Variants in SQLE observed in about 807,000 individuals in gnomAD.
The protein encoded by SQLE is squalene monooxygenase.
Under a neutral mutation model 60.7 loss-of-function variants are expected in SQLE, and 29 were observed. The ratio of observed to expected loss-of-function variants is 0.48; its 90% confidence interval spans 0.36 to 0.65. The LOEUF (loss-of-function observed/expected upper bound fraction) is 0.65. SQLE is among the 30% of genes least tolerant of loss of function. The pLI, the probability that SQLE is intolerant of heterozygous loss-of-function variation, is 0.00. For missense variants in SQLE, 605 were observed against 684.1 expected, an observed-to-expected ratio of 0.88 and a Z score of 1.29; for synonymous variants, 237 against 246.8, an observed-to-expected ratio of 0.96 and a Z score of 0.37.
chr8:125,015,390 A>C (rs539466854), intron 7 of SQLE, among the ~76,000 whole-genome samples: 51 of 152,058 alleles, frequency 3.4e-4, no homozygotes, highest in African/African-American at 1.2e-3. Flanking sequence ...ATCTACATTG[A>C]ATGTTATTAT....
rs530017457 is a variant in SQLE at position 125,002,569 on chromosome 8, C to A, written c.292-607C>A. Among the ~76,000 whole-genome samples, 4 of 151,954 alleles carry A rather than the reference C, an allele frequency of 2.6e-5. No individual in the cohort carries two copies. In the South Asian group the frequency reaches 8.3e-4, roughly 32 times the overall value. The stretch of plus-strand genomic sequence containing the variant: ...GCACATGCCTATAATCCCAGCCACT[C>A]GGGAGGCTGAGGCCAGAGAATTGCT... On this transcript the variant is annotated intron_variant, in intron 1 of 10. Transcript: ENST00000265896.
chr8:125,005,441 G>C lies in SQLE; in HGVS notation c.545-84G>C, dbSNP rs893544934. ...GATTTGAAGGCAGAGACTCATTTTTGATGTGTGTGTGTCTTCTTTGGTTCT... is the reference window on the plus strand; with the variant it reads ...GATTTGAAGGCAGAGACTCATTTTTCATGTGTGTGTGTCTTCTTTGGTTCT... On this transcript the variant is annotated intron_variant, in intron 2 of 10. Coordinates refer to ENST00000265896, the MANE Select transcript of SQLE (RefSeq NM_003129.4). 5 of 1,221,744 alleles carry C rather than the reference G, an allele frequency of 4.1e-6. No homozygotes were observed. The African/African-American group carries it at 4.6e-5, about 11-fold the overall frequency. 75.7% of individuals were successfully genotyped at this position (1,221,744 alleles called of 1,614,324 possible).
chr8:125,021,890 C>T lies in SQLE; in HGVS notation c.1670C>T (p.Ala557Val), dbSNP rs1306326764. The T allele has an allele frequency of 5.6e-6, 9 of 1,609,998 alleles. No homozygotes were observed. The highest frequency in any genetic ancestry group is 3.3e-5 in the South Asian group (3 of 90,344). The change falls in exon 11 of 11, where the codon GCG becomes GTG. Residue 557 changes from alanine to valine, a missense_variant. Ala to Val is a moderately conservative substitution (Grantham distance 64). Transcript: ENST00000265896. Reference protein sequence around the residue: ...LLSSGAVLYKACSVIFPLIYS... With the variant: ...LLSSGAVLYKVCSVIFPLIYS... The stretch of plus-strand genomic sequence containing the variant: ...AGTAGTGGTGCTGTATTGTACAAAG[C>T]GTGTTCTGTAATATTTCCTCTAATT...
chr8:125,007,370 G>A, intron 3 of SQLE, 21 bp from the exon 4 acceptor site: 1 of 1,486,524 alleles, frequency 6.7e-7, no homozygotes, highest in Non-Finnish European at 9.1e-7. Context: ...CTTTAGAAAT[G>A]TATTTTTTTT....
chr8:124,999,782 A>G, intron 1 of SQLE, 88 bp downstream of exon 1: 1 of 1,435,718 alleles, frequency 7.0e-7, no homozygotes, highest in East Asian at 2.4e-5. Context: ...TGAATTGCAA[A>G]AGGCGGCAGG....
chr8:125,007,417 T>TA lies in SQLE; in HGVS notation c.753dup (p.Gln252ThrfsTer7). ...GCAAAGTTTATTGAAGGTGTTGTGT[T>TA]ACAGTTATTAGAGGAAGATGATGTT... On this transcript the variant is annotated frameshift_variant, in exon 4 of 11. Transcript: ENST00000265896. LOFTEE classifies it high-confidence loss of function. 6.4e-7 allele frequency: 1 copy of TA among 1,556,184 alleles called. No homozygotes were observed. Among genetic ancestry groups the TA allele is most frequent in the Non-Finnish European group, 8.7e-7 (1 of 1,149,120 alleles).
Position 125,016,464 on chromosome 8 carries a change from AGTT to A in SQLE, c.1205-1591_1205-1589del, listed in dbSNP as rs1815113333. Among the ~76,000 whole-genome samples, 2 of 152,136 alleles carry A rather than the reference AGTT, an allele frequency of 1.3e-5. No homozygotes were observed. The highest frequency in any genetic ancestry group is 3.4e-3 in the Middle Eastern group (1 of 294). On this transcript the variant is annotated intron_variant, in intron 7 of 10. Transcript: ENST00000265896. The surrounding 1 kb of genome is among the most constrained non-coding windows in gnomAD (Gnocchi z 4.1). Reference sequence around the variant, plus strand: ...CTGCTTGATTCTTTTAAATTATTTCAGTTGTTTTGTTAAACTTACCTGATAGCA... The same window carrying A: ...CTGCTTGATTCTTTTAAATTATTTCAGTTTTGTTAAACTTACCTGATAGCA...
chr8:125,010,532 CTA>C (rs1215323986), intron 6 of SQLE, among the ~76,000 whole-genome samples: 1 of 151,308 alleles, frequency 6.6e-6, no homozygotes, highest in African/African-American at 2.4e-5. Context: ...ATTTTTTAAA[CTA>C]AGTGAAACCA....
intron 3 of SQLE, among the ~76,000 whole-genome samples, chr8:125,006,527 A>G (rs763032720): frequency 1.7e-4 from 26 of 150,782 alleles, no homozygotes; most frequent in Non-Finnish European, 1.8e-4. Context: ...AGGCTAAGGC[A>G]GGAGAATTGC....
rs777388442 is a variant in SQLE at position 125,009,364 on chromosome 8, T to C, written c.1108+21T>C. 7.0e-5 allele frequency: 112 copies of C among 1,598,582 alleles called. 3 individuals carry two copies. The South Asian group carries it at 1.2e-3, about 18-fold the overall frequency. On this transcript the variant is annotated intron_variant, in intron 6 of 10. Coordinates refer to ENST00000265896, the MANE Select transcript of SQLE (RefSeq NM_003129.4). The stretch of plus-strand genomic sequence containing the variant: ...ACCTGGTAAGAAATAGCATCTTCAG[T>C]TCTTACAAAGGCTGTGTCTAAAATA...
chr8:125,007,272 CGT>C (rs1034502685), intron 3 of SQLE, 117 bp from the exon 4 acceptor site: 17 of 544,286 alleles, frequency 3.1e-5, no homozygotes, highest in Middle Eastern at 5.0e-4. Flanking sequence ...ACATTGGACA[CGT>C]GTTTGCACAC....
In SQLE at chr8:125,022,054, A is replaced by G. The variant is rs1211459004; in HGVS notation, c.*109A>G. The G allele has an allele frequency of 1.4e-6, 1 of 695,070 alleles. No homozygotes were observed. Among genetic ancestry groups the G allele is most frequent in the African/African-American group, 1.9e-5 (1 of 53,880 alleles). The allele number at this position is 695,070 out of a possible 1,614,324, so 43.1% of individuals were successfully genotyped here. On this transcript the variant is annotated 3_prime_UTR_variant, in exon 11 of 11. Transcript: ENST00000265896. ...GTACCATACCACTTATAAAGTGGAAACTCTTGGACCAAGATTTGGATTAAT... is the reference window on the plus strand; with the variant it reads ...GTACCATACCACTTATAAAGTGGAAGCTCTTGGACCAAGATTTGGATTAAT...
At chr8:124,999,977 G>A (rs1289989146) in intron 1 of SQLE, 2 of 597,286 alleles carry the variant, frequency 3.3e-6, no homozygotes, top group Non-Finnish European at 6.2e-6. Context: ...CATTTTGAAG[G>A]AGAAGAACAA....
Position 125,018,214 on chromosome 8 carries a change from A to G in SQLE, c.1347+13A>G. 2 of 1,607,222 alleles carry G rather than the reference A, an allele frequency of 1.2e-6. No homozygotes were observed. Among genetic ancestry groups the G allele is most frequent in the Non-Finnish European group, 1.7e-6 (2 of 1,177,898 alleles). ...AGCTATTTTCGAGGTAAGATCAATTATTTTGACAAAAATGTCTCAAAATGG... is the reference window on the plus strand; with the variant it reads ...AGCTATTTTCGAGGTAAGATCAATTGTTTTGACAAAAATGTCTCAAAATGG... On this transcript the variant is annotated intron_variant, in intron 8 of 10. Coordinates refer to ENST00000265896, the MANE Select transcript of SQLE (RefSeq NM_003129.4).
intron 6 of SQLE, among the ~76,000 whole-genome samples, 197 bp downstream of exon 6, chr8:125,009,540 A>C (rs1815007383): frequency 6.6e-6 from 1 of 152,200 alleles, no homozygotes; most frequent in South Asian, 2.1e-4. Context: ...TCATGCCTGT[A>C]ATCCCACCAC....
chr8:125,017,830 CTTGTTATTA>C, intron 7 of SQLE: 2 of 530,698 alleles, frequency 3.8e-6, no homozygotes, highest in Admixed American at 6.8e-5. Context: ...AGGCCACACT[CTTGTTATTA>C]CCATATCCCC....
Position 124,998,551 on chromosome 8 carries a change from C to T in SQLE, c.-853C>T, listed in dbSNP as rs991495820. On this transcript the variant is annotated 5_prime_UTR_variant, in exon 1 of 11. Coordinates refer to ENST00000265896, the MANE Select transcript of SQLE (RefSeq NM_003129.4). ...CGAGTGGGGGCGTGCGACGGTTACT[C>T]TGGTTACTGGGGCCGCGCCGCGCTG... 2 of 678,766 alleles carry T rather than the reference C, an allele frequency of 2.9e-6. No individual in the cohort carries two copies. Among genetic ancestry groups the T allele is most frequent in the Non-Finnish European group, 5.3e-6 (2 of 374,434 alleles). 42.0% of individuals were successfully genotyped at this position (678,766 alleles called of 1,614,324 possible). A position where few individuals can be genotyped will look rare whatever the true frequency, so the allele number is the denominator to read the frequency against.
chr8:125,000,672 T>G (rs917466933), intron 1 of SQLE, among the ~76,000 whole-genome samples: 5 of 152,044 alleles, frequency 3.3e-5, no homozygotes, highest in African/African-American at 1.2e-4. Flanking sequence ...CAGGCTGGTC[T>G]CGAACTCCTG....
rs560703825 is a variant in SQLE at position 125,018,198 on chromosome 8, C to T, written c.1344C>T (p.Phe448=). The change falls in exon 8 of 11, where the codon TTC becomes TTT. Residue 448 remains phenylalanine (F), a synonymous_variant. Coordinates refer to ENST00000265896, the MANE Select transcript of SQLE (RefSeq NM_003129.4). ...IPDLYDDAAI[F]EAKKSFYWAR... Reference sequence around the variant, plus strand: ...ACCTTTATGATGATGCAGCTATTTTCGAGGTAAGATCAATTATTTTGACAA... The same window carrying T: ...ACCTTTATGATGATGCAGCTATTTTTGAGGTAAGATCAATTATTTTGACAA... The T allele has an allele frequency of 4.3e-5, 69 of 1,608,064 alleles. No individual in the cohort carries two copies. The highest frequency in any genetic ancestry group is 5.6e-5 in the Non-Finnish European group (66 of 1,178,452).
Sources: gnomAD v4.1 joint callset for allele counts (sites outside exome capture counted in the v4.1 genomes callset) on GRCh38, gnomAD v4.1.1 for gene constraint, Gnocchi (gnomAD v3.1) non-coding constraint, MANE v1.5 for transcripts, NCBI Gene and HGNC (gene_info 2026-07-23, HGNC 2026-07-21) for gene names.